The following SEPTIN9 variants were observed in gnomAD, a reference collection of about 807,000 sequenced individuals.
SEPTIN9 encodes the protein septin-9.
Under a neutral mutation model 56.6 loss-of-function variants are expected in SEPTIN9, and 13 were observed. That is an observed-to-expected ratio of 0.23 (90% CI 0.15 to 0.37). SEPTIN9 has a LOEUF of 0.37. Ranked by LOEUF, SEPTIN9 falls within the 10% of genes least tolerant of loss-of-function variation. The pLI, the probability that SEPTIN9 is intolerant of heterozygous loss-of-function variation, is 1.00. For synonymous variants in SEPTIN9, 332 were observed against 334.1 expected, an observed-to-expected ratio of 0.99 and a Z score of 0.07; for missense variants, 650 against 823.1, an observed-to-expected ratio of 0.79 and a Z score of 2.57.
In SEPTIN9 at chr17:77,437,334, C is replaced by G. The variant is rs2037378116; in HGVS notation, c.721+34631C>G. Among the ~76,000 whole-genome samples the G allele has an allele frequency of 6.6e-6, 1 of 151,816 alleles. No individual in the cohort carries two copies. The highest frequency in any genetic ancestry group is 2.1e-4 in the South Asian group (1 of 4,782). ...CCAGGGATGGAGCACCGACCCCTCC[C>G]TTCTACACCCCCACCCCACGCCCCC... On this transcript the variant is annotated intron_variant, in intron 3 of 11. Transcript: ENST00000427177. This position sits in a 1 kb window ranked among gnomAD's most constrained non-coding sequence, Gnocchi z 5.3.
intron 11 of SEPTIN9, among the ~76,000 whole-genome samples, 159 bp from the exon 12 acceptor site, chr17:77,498,364 G>A (rs1302016234): frequency 6.6e-6 from 1 of 151,934 alleles, no homozygotes; most frequent in African/African-American, 2.4e-5. Flanking sequence ...CCAACATGGT[G>A]GGCCTGGGGG....
chr17:77,333,231 T>G (rs1255720203), intron 2 of SEPTIN9, among the ~76,000 whole-genome samples: 1 of 152,250 alleles, frequency 6.6e-6, no homozygotes, highest in Non-Finnish European at 1.5e-5. Flanking sequence ...GTTGAGCACA[T>G]TTTCATGATT....
At chr17:77,493,335 G>A (rs946919894) in intron 10 of SEPTIN9, 18 of 507,952 alleles carry the variant, frequency 3.5e-5, no homozygotes, top group African/African-American at 1.5e-4. Context: ...GATGGGGGCC[G>A]CCAAGTTCTG....
rs1376522364 is a variant in SEPTIN9 at position 77,498,585 on chromosome 17, A to T, written c.1688A>T (p.Lys563Met). ...SSIHFEAYRVKRLNEGSSAMA... is the reference protein window; with the variant it reads ...SSIHFEAYRVMRLNEGSSAMA... ...ATCCACTTCGAGGCGTACCGTGTGA[A>T]GCGCCTCAACGAGGGCAGCAGCGCC... The change falls in exon 12 of 12, where the codon AAG becomes ATG. Residue 563 changes from lysine to methionine, a missense_variant. Coordinates refer to ENST00000427177, the MANE Select transcript of SEPTIN9 (RefSeq NM_001113491.2). 6.2e-7 allele frequency: 1 copy of T among 1,604,432 alleles called. No homozygotes were observed. Among genetic ancestry groups the T allele is most frequent in the Admixed American group, 1.7e-5 (1 of 59,068 alleles).
In SEPTIN9 at chr17:77,482,611, G is replaced by A. The variant is rs568248809; in HGVS notation, c.913+276G>A. The A allele has an allele frequency of 7.6e-6, 5 of 654,412 alleles. No individual in the cohort carries two copies. In the African/African-American group the frequency reaches 9.0e-5, roughly 12 times the overall value. The allele number at this position is 654,412 out of a possible 1,614,324, so 40.5% of individuals were successfully genotyped here. A position where few individuals can be genotyped will look rare whatever the true frequency, so the allele number is the denominator to read the frequency against. ...GCCGGCCTGGAGCAGGTCCTGATGA[G>A]TGGTCGCTGCCTCTGAGCAATGACG... is the stretch of plus-strand genomic sequence containing the variant. On this transcript the variant is annotated intron_variant, in intron 4 of 11. Coordinates refer to ENST00000427177, the MANE Select transcript of SEPTIN9 (RefSeq NM_001113491.2).
chr17:77,442,930 A>G (rs2037604132), intron 3 of SEPTIN9, among the ~76,000 whole-genome samples: 1 of 151,728 alleles, frequency 6.6e-6, no homozygotes, highest in African/African-American at 2.4e-5. Context: ...GAGTTTTTGG[A>G]AAGATAAATA....
chr17:77,289,599 G>A (rs892535443), intron 1 of SEPTIN9, among the ~76,000 whole-genome samples: 2 of 150,988 alleles, frequency 1.3e-5, no homozygotes, highest in Non-Finnish European at 2.9e-5. Context: ...GTACAGACGG[G>A]GTGTCCCCAT....
At position 77,293,502 on chromosome 17, in the gene SEPTIN9, C is replaced by G. The variant is rs1598474916; in HGVS notation, c.19+11948C>G. Among the ~76,000 whole-genome samples the G allele has an allele frequency of 2.6e-5, 4 of 152,140 alleles. No individual in the cohort carries two copies. In the South Asian group the frequency reaches 8.3e-4, roughly 32 times the overall value. ...AACAGAAGGACTTAAAGGCGGGGAA[C>G]TAGTTACACAGATGATGGGAGAGGT... On this transcript the variant is annotated intron_variant, in intron 1 of 11. Transcript: ENST00000427177.
At chr17:77,404,808 C>T (rs368398137) in intron 3 of SEPTIN9, among the ~76,000 whole-genome samples, 42 of 152,148 alleles carry the variant, frequency 2.8e-4, no homozygotes, top group African/African-American at 9.7e-4. Context: ...GTGCGAGTCC[C>T]GTGTTCCCTC....
Position 77,445,460 on chromosome 17 carries a change from C to T in SEPTIN9, c.722-36684C>T, listed in dbSNP as rs1451735372. On this transcript the variant is annotated intron_variant, in intron 3 of 11. Coordinates refer to ENST00000427177, the MANE Select transcript of SEPTIN9 (RefSeq NM_001113491.2). This position sits in a 1 kb window ranked among gnomAD's most constrained non-coding sequence, Gnocchi z 4.7. ...GCTCACAACCTGGCTTGGTGGTGGC[C>T]GAGGAGCTTGGCAGGAGCAGAGTGC... 4.3e-6 allele frequency: 2 copies of T among 468,416 alleles called. No homozygotes were observed. Among genetic ancestry groups the T allele is most frequent in the Non-Finnish European group, 4.4e-6 (1 of 225,762 alleles). The allele number at this position is 468,416 out of a possible 1,614,324, so 29.0% of individuals were successfully genotyped here.
intron 2 of SEPTIN9, chr17:77,376,040 G>A (rs1026227315): frequency 1.9e-5 from 18 of 952,322 alleles, no homozygotes; most frequent in African/African-American, 1.8e-4. Context: ...GGCAGCTTCC[G>A]AATCAGGGTA....
chr17:77,349,289 G>T (rs556848736), intron 2 of SEPTIN9, among the ~76,000 whole-genome samples: 1 of 152,072 alleles, frequency 6.6e-6, no homozygotes, highest in Non-Finnish European at 1.5e-5. Context: ...GCTAATTTTT[G>T]TATTTTTAGT....
intron 6 of SEPTIN9, 63 bp downstream of exon 6, chr17:77,488,384 G>A: frequency 2.0e-6 from 3 of 1,464,470 alleles, no homozygotes; most frequent in Admixed American, 1.7e-5. Context: ...ACCCCACCCA[G>A]AGTCAGCCCT....
intron 2 of SEPTIN9, chr17:77,320,289 C>T (rs767719373): frequency 3.5e-5 from 57 of 1,611,804 alleles, no homozygotes; most frequent in African/African-American, 2.5e-4. Context: ...CTGAGCGGGA[C>T]GCCGGGACTC....
At chr17:77,342,117 C>T (rs1224657435) in intron 2 of SEPTIN9, among the ~76,000 whole-genome samples, 3 of 151,410 alleles carry the variant, frequency 2.0e-5, no homozygotes, top group Non-Finnish European at 2.9e-5. Flanking sequence ...AAAGAGATCA[C>T]AGATCACCAT....
At chr17:77,417,931 C>T (rs751205893) in intron 3 of SEPTIN9, among the ~76,000 whole-genome samples, 23 of 152,304 alleles carry the variant, frequency 1.5e-4, no homozygotes, top group South Asian at 4.1e-4. Context: ...GTGCCGTATC[C>T]GTGGGCCCTC....
At position 77,325,117 on chromosome 17, in the gene SEPTIN9, G is replaced by A. The variant is rs4789444; in HGVS notation, c.76+17920G>A. ...TACAGGCGTGAGTCACCGCACCCAG[G>A]CTGATATGCAAATATTTTAAACTTC... On this transcript the variant is annotated intron_variant, in intron 2 of 11. Transcript: ENST00000427177. 2.0e-5 allele frequency among the ~76,000 whole-genome samples: 3 copies of A among 151,820 alleles called. No individual in the cohort carries two copies. In the South Asian group the frequency reaches 6.2e-4, roughly 31 times the overall value.
intron 3 of SEPTIN9, among the ~76,000 whole-genome samples, chr17:77,406,776 T>C (rs2144122601): frequency 6.6e-6 from 1 of 152,222 alleles, no homozygotes; most frequent in African/African-American, 2.4e-5. Context: ...GTTCAAGCGA[T>C]TCTTCTGCCT....
chr17:77,473,043 T>G (rs1288965391), intron 3 of SEPTIN9, among the ~76,000 whole-genome samples: 1 of 152,220 alleles, frequency 6.6e-6, no homozygotes, highest in Non-Finnish European at 1.5e-5. Flanking sequence ...TGGGAAAATA[T>G]CCTGTTTTCA....
Sources: allele counts gnomAD v4.1 joint callset (sites outside exome capture counted in the v4.1 genomes callset), GRCh38; gene constraint gnomAD v4.1.1; non-coding constraint Gnocchi (gnomAD v3.1); transcripts MANE v1.5; gene names NCBI Gene and HGNC (gene_info 2026-07-23, HGNC 2026-07-21).